ZNF148: variants seen among roughly 807,000 people sequenced by gnomAD.
ZNF148 encodes the protein zinc finger protein 148, also known as Beta-Enolase Repressor Factor-1.
Under a neutral mutation model 67.7 loss-of-function variants are expected in ZNF148, and 7 were observed. The observed-to-expected ratio is 0.10, with a 90% CI of 0.06 to 0.19. The LOEUF (loss-of-function observed/expected upper bound fraction) is 0.19, where lower values mean the gene tolerates loss of function less well. Among genes scored for constraint, ZNF148 ranks in the 10% least tolerant of loss-of-function variants. ZNF148 has a pLI of 1.00. For synonymous variants in ZNF148, 333 were observed against 330.7 expected, an observed-to-expected ratio of 1.01 and a Z score of -0.08; for missense variants, 583 against 947.1, an observed-to-expected ratio of 0.62 and a Z score of 5.05.
In ZNF148 at chr3:125,323,493, T is replaced by C. The variant is rs188474411; in HGVS notation, c.-152-49A>G. 581 of 629,720 alleles carry C rather than the reference T, an allele frequency of 9.2e-4. 2 individuals are homozygous for C. Among genetic ancestry groups the C allele is most frequent in the South Asian group, 2.7e-3 (148 of 54,074 alleles). 39.0% of individuals were successfully genotyped at this position (629,720 alleles called of 1,614,324 possible). A position where few individuals can be genotyped will look rare whatever the true frequency, so the allele number is the denominator to read the frequency against. ...AAACATTATTTATGGTAGGAAAAGA[T>C]ACTATACAAATATAATATGTGCAAA... On this transcript the variant is annotated intron_variant, in intron 2 of 8. Coordinates refer to ENST00000360647, the MANE Select transcript of ZNF148 (RefSeq NM_021964.3).
At chr3:125,244,904 A>C (rs1026248265) in intron 7 of ZNF148, among the ~76,000 whole-genome samples, 1 of 145,916 alleles carries the variant, frequency 6.9e-6, no homozygotes, top group Non-Finnish European at 1.5e-5. Context: ...TACTCCTTCA[A>C]CCTCTCCAAC....
At chr3:125,365,905 T>C (rs966254527) in intron 1 of ZNF148, among the ~76,000 whole-genome samples, 1 of 152,236 alleles carries the variant, frequency 6.6e-6, no homozygotes, top group Admixed American at 6.5e-5. Context: ...TCCACTTCCA[T>C]ATTCTAATCC....
At chr3:125,360,407 T>C (rs1195322589) in intron 1 of ZNF148, among the ~76,000 whole-genome samples, 2 of 152,112 alleles carry the variant, frequency 1.3e-5, no homozygotes, top group African/African-American at 2.4e-5. Flanking sequence ...CACCTCAGCC[T>C]CCTGAGTAAC....
intron 1 of ZNF148, among the ~76,000 whole-genome samples, chr3:125,351,669 C>T (rs1942158268): frequency 6.6e-6 from 1 of 152,142 alleles, no homozygotes; most frequent in African/African-American, 2.4e-5. Flanking sequence ...ATAAGTCTAA[C>T]ATCCAGAACA....
At chr3:125,273,500 T>TTTC (rs10623312) in intron 7 of ZNF148, among the ~76,000 whole-genome samples, 3 of 8,448 alleles carry the variant, frequency 3.6e-4, no homozygotes, top group South Asian at 1.9e-3. Context: ...GAAGAGAATC[T>TTTC]TTTTTTTTTT....
At chr3:125,343,687 C>T (rs62270355) in intron 1 of ZNF148, among the ~76,000 whole-genome samples, 14,961 of 152,146 alleles carry the variant, frequency 0.098, 905 homozygotes, top group Admixed American at 0.15. Flanking sequence ...AAGCTAGCCA[C>T]GCCAGCCAGC....
chr3:125,341,997 G>GT (rs1941742809), intron 1 of ZNF148, among the ~76,000 whole-genome samples: 2 of 72,550 alleles, frequency 2.8e-5, no homozygotes, highest in African/African-American at 1.3e-4. Flanking sequence ...TCTGTTTCGG[G>GT]GCGGGGGGGG....
At chr3:125,248,040 A>C (rs1481104834) in intron 7 of ZNF148, among the ~76,000 whole-genome samples, 1 of 152,226 alleles carries the variant, frequency 6.6e-6, no homozygotes, top group Non-Finnish European at 1.5e-5. Context: ...GCATCTAAGC[A>C]TATTAACACT....
At chr3:125,259,450 A>G (rs143068291) in intron 7 of ZNF148, among the ~76,000 whole-genome samples, 102 of 152,348 alleles carry the variant, frequency 6.7e-4, no homozygotes, top group African/African-American at 2.5e-3. Flanking sequence ...GTGATTTTTC[A>G]TAACATTAAA....
chr3:125,341,313 A>AT (rs914580213), intron 1 of ZNF148, among the ~76,000 whole-genome samples: 2 of 144,180 alleles, frequency 1.4e-5, no homozygotes, highest in Non-Finnish European at 3.0e-5. Context: ...CTACAGAAAA[A>AT]TTTAAAAAAA....
chr3:125,288,328 T>C (rs1461026054), intron 4 of ZNF148, 100 bp from the exon 5 acceptor site: 4 of 1,267,624 alleles, frequency 3.2e-6, no homozygotes, highest in Non-Finnish European at 4.3e-6. Context: ...CACATACAGG[T>C]GCTTCCAGAA....
chr3:125,314,131 TATC>T (rs1233137787), intron 3 of ZNF148, among the ~76,000 whole-genome samples: 1 of 152,086 alleles, frequency 6.6e-6, no homozygotes, highest in Non-Finnish European at 1.5e-5. Flanking sequence ...TAAACAGCAC[TATC>T]ATATTTCATC....
chr3:125,226,088 T>C lies in ZNF148; in HGVS notation c.*6253A>G, dbSNP rs1207485919. 6.6e-6 allele frequency: 1 copy of C among 152,640 alleles called. No individual in the cohort carries two copies. The highest frequency in any genetic ancestry group is 1.5e-5 in the Non-Finnish European group (1 of 68,030). 9.5% of individuals were successfully genotyped at this position (152,640 alleles called of 1,614,324 possible). A position where few individuals can be genotyped will look rare whatever the true frequency, so the allele number is the denominator to read the frequency against. ...CAGTGGGTTAACAGAGTCTTATCTG[T>C]AAAGAAAAGAACACATATTTTCTTC... On this transcript the variant is annotated 3_prime_UTR_variant, in exon 9 of 9. Coordinates refer to ENST00000360647, the MANE Select transcript of ZNF148 (RefSeq NM_021964.3).
chr3:125,346,122 T>C (rs1047035548), intron 1 of ZNF148, among the ~76,000 whole-genome samples: 2 of 152,256 alleles, frequency 1.3e-5, no homozygotes, highest in African/African-American at 2.4e-5. Flanking sequence ...GAAAGGATTA[T>C]GCATGACCAT....
In ZNF148 at chr3:125,232,857, C is replaced by T. The variant is rs1311644138; in HGVS notation, c.1869G>A (p.Leu623=). The T allele has an allele frequency of 6.2e-7, 1 of 1,613,760 alleles. No individual in the cohort carries two copies. The highest frequency in any genetic ancestry group is 1.1e-5 in the South Asian group (1 of 91,064). ...TCACAAAGTTAAGGCTCGGGCTATT[C>T]AAATAGGCATCATTTTGGCTAGTTC... ...LDRTSQNDAY[L]NSPSLNFVTD... The change falls in exon 9 of 9, where the codon TTG becomes TTA. Residue 623 remains leucine (L), a synonymous_variant. Coordinates refer to ENST00000360647, the MANE Select transcript of ZNF148 (RefSeq NM_021964.3). This position sits in a 1 kb window ranked among gnomAD's most constrained non-coding sequence, Gnocchi z 4.2.
At chr3:125,360,677 C>T (rs13074986) in intron 1 of ZNF148, among the ~76,000 whole-genome samples, 117,736 of 151,826 alleles carry the variant, frequency 0.78, 46,468 homozygotes, top group African/African-American at 0.91. Flanking sequence ...TTTATATCAG[C>T]ATATTACACA....
At chr3:125,263,085 A>G (rs1937413142) in intron 7 of ZNF148, among the ~76,000 whole-genome samples, 2 of 152,152 alleles carry the variant, frequency 1.3e-5, no homozygotes, top group Admixed American at 1.3e-4. Flanking sequence ...CATTTTTTTG[A>G]AAACATCTTG....
At chr3:125,321,449 T>G (rs114772131) in intron 3 of ZNF148, among the ~76,000 whole-genome samples, 3,060 of 152,196 alleles carry the variant, frequency 0.02, 102 homozygotes, top group African/African-American at 0.069. Context: ...TTTATAAATA[T>G]TTGAATAAGT....
chr3:125,236,539 G>A (rs1019685534), intron 7 of ZNF148, among the ~76,000 whole-genome samples: 7 of 152,094 alleles, frequency 4.6e-5, no homozygotes, highest in African/African-American at 1.7e-4. Flanking sequence ...TGTTGGGGGT[G>A]GGGAGGGAAA....
Sources: allele counts gnomAD v4.1 joint callset (sites outside exome capture counted in the v4.1 genomes callset), GRCh38; gene constraint gnomAD v4.1.1; non-coding constraint Gnocchi (gnomAD v3.1); transcripts MANE v1.5; gene names NCBI Gene and HGNC (gene_info 2026-07-23, HGNC 2026-07-21).